NHSL1: variants seen among roughly 807,000 people sequenced by gnomAD.
NHSL1 encodes the protein NHS like 1.
A neutral mutation model predicts 95.0 loss-of-function variants in NHSL1; 48 were observed. That is an observed-to-expected ratio of 0.51 (90% CI 0.40 to 0.64). NHSL1 has a LOEUF of 0.64. Among genes scored for constraint, NHSL1 ranks in the 30% least tolerant of loss-of-function variants. The pLI is 0.00. For missense variants in NHSL1, 1,971 were observed against 2,077.7 expected (o/e 0.95, Z 1.00); for synonymous variants, 783 against 833.9 (o/e 0.94, Z 1.05).
intron 3 of NHSL1, among the ~76,000 whole-genome samples, chr6:138,465,088 T>G (rs922200642): frequency 2.0e-5 from 3 of 150,710 alleles, no homozygotes; most frequent in African/African-American, 7.3e-5. Context: ...ATAAACTGCT[T>G]GTTCAAAAAG....
intron 1 of NHSL1, among the ~76,000 whole-genome samples, chr6:138,617,904 C>T (rs1476888577): frequency 6.6e-6 from 1 of 152,236 alleles, no homozygotes; most frequent in African/African-American, 2.4e-5. Context: ...TTGATTCTCA[C>T]ATCTGCAGCC....
At chr6:138,500,191 G>C (rs1309749168), upstream of NHSL1, among the ~76,000 whole-genome samples, 1 of 151,968 alleles carries the variant, frequency 6.6e-6, no homozygotes, top group Non-Finnish European at 1.5e-5. Context: ...TGTCACTTAG[G>C]CTCCTGGTTT....
At chr6:138,614,058 G>A (rs774088626) in intron 1 of NHSL1, among the ~76,000 whole-genome samples, 9 of 152,146 alleles carry the variant, frequency 5.9e-5, no homozygotes, top group Admixed American at 2.0e-4. Context: ...ACCAATAACA[G>A]CCTTGATGTT....
chr6:138,679,101 C>A (rs1275043541), intron 1 of NHSL1, among the ~76,000 whole-genome samples: 1 of 152,152 alleles, frequency 6.6e-6, no homozygotes, highest in Non-Finnish European at 1.5e-5. Context: ...TTCCACAAGA[C>A]AAGAACCAAA....
intron 1 of NHSL1, among the ~76,000 whole-genome samples, chr6:138,522,729 T>C (rs1405114631): frequency 6.6e-6 from 1 of 152,150 alleles, no homozygotes; most frequent in African/African-American, 2.4e-5. Context: ...GAAGATCACT[T>C]GGGCCCAGGC....
intron 1 of NHSL1, among the ~76,000 whole-genome samples, chr6:138,538,583 G>A (rs1045491843): frequency 2.0e-5 from 3 of 151,992 alleles, no homozygotes; most frequent in Admixed American, 6.6e-5. Flanking sequence ...CAATGTTCGC[G>A]CCCTCGAGAG....
At chr6:138,502,611 CA>C (rs967795731), upstream of NHSL1, among the ~76,000 whole-genome samples, 5 of 151,640 alleles carry the variant, frequency 3.3e-5, no homozygotes, top group African/African-American at 9.7e-5. Flanking sequence ...TTGCACAGGG[CA>C]AAAAAAGAAA....
chr6:138,501,399 C>T (rs1003853865), upstream of NHSL1, among the ~76,000 whole-genome samples: 4 of 152,084 alleles, frequency 2.6e-5, no homozygotes, highest in Admixed American at 2.6e-4. Flanking sequence ...TTGAGTGCAA[C>T]AGACAAAATA....
intron 3 of NHSL1, among the ~76,000 whole-genome samples, chr6:138,467,353 C>T (rs1287560139): frequency 6.6e-6 from 1 of 152,054 alleles, no homozygotes; most frequent in Non-Finnish European, 1.5e-5. Flanking sequence ...GGGGTTTTGC[C>T]GTGTTAGCCA....
In NHSL1 at chr6:138,606,411, T is replaced by C. The variant is rs746440510; in HGVS notation, c.96+86065A>G. Among the ~76,000 whole-genome samples, 6 of 152,384 alleles carry C rather than the reference T, an allele frequency of 3.9e-5. No individual in the cohort carries two copies. The East Asian group carries it at 5.8e-4, about 15-fold the overall frequency. On this transcript the variant is annotated intron_variant, in intron 1 of 3. Coordinates refer to the NHSL1 transcript ENST00000491526. ...GATGGACTTTTAAAATGTCTATTGA[T>C]TTAGTAAGCTTACAGAATCAGCAGC...
At chr6:138,688,622 G>A (rs913762869) in intron 1 of NHSL1, among the ~76,000 whole-genome samples, 1 of 152,068 alleles carries the variant, frequency 6.6e-6, no homozygotes, top group African/African-American at 2.4e-5. Context: ...CATCCTGGGC[G>A]ACAGAGTAAG....
At chr6:138,631,218 T>C (rs554307940) in intron 1 of NHSL1, among the ~76,000 whole-genome samples, 1 of 152,224 alleles carries the variant, frequency 6.6e-6, no homozygotes, top group African/African-American at 2.4e-5. Context: ...AGATCTTGAG[T>C]TACTGCAAGC....
chr6:138,437,403 T>TAC (rs1776231216), intron 5 of NHSL1, among the ~76,000 whole-genome samples: 2 of 56,466 alleles, frequency 3.5e-5, no homozygotes, highest in African/African-American at 8.4e-5. Context: ...TATATATATA[T>TAC]ACACACATAT....
intron 1 of NHSL1, among the ~76,000 whole-genome samples, chr6:138,519,808 G>A (rs1781600525): frequency 6.6e-6 from 1 of 152,148 alleles, no homozygotes. Context: ...TTCAGATAGA[G>A]TTGATTGGCA....
At chr6:138,439,423 T>C (rs1457707143) in intron 5 of NHSL1, among the ~76,000 whole-genome samples, 6 of 152,212 alleles carry the variant, frequency 3.9e-5, no homozygotes, top group African/African-American at 1.2e-4. Context: ...TTGATAATCA[T>C]TACCTAGATA....
At chr6:138,668,431 G>A (rs1266376360) in intron 1 of NHSL1, among the ~76,000 whole-genome samples, 4 of 151,820 alleles carry the variant, frequency 2.6e-5, no homozygotes, top group South Asian at 2.1e-4. Context: ...CAACAAGAGC[G>A]AAACTCCATC....
chr6:138,670,527 G>A lies in NHSL1; in HGVS notation c.96+21949C>T, dbSNP rs576868771. Among the ~76,000 whole-genome samples the A allele has an allele frequency of 7.4e-5, 11 of 149,626 alleles. No homozygotes were observed. In the East Asian group the frequency reaches 9.9e-4, roughly 13 times the overall value. ...TAAAAATACAAAAAATTAGCCGGGC[G>A]TAGTGGCGGGCGCCTGTAGTCCCAG... On this transcript the variant is annotated intron_variant, in intron 1 of 3. Transcript: ENST00000491526.
At chr6:138,522,699 T>C (rs1446425514) in intron 1 of NHSL1, among the ~76,000 whole-genome samples, 1 of 152,156 alleles carries the variant, frequency 6.6e-6, no homozygotes, top group Non-Finnish European at 1.5e-5. Flanking sequence ...TGGTTTCAGC[T>C]ACTCAGAAGG....
chr6:138,444,536 C>T (rs114719651), intron 4 of NHSL1, among the ~76,000 whole-genome samples: 16 of 151,888 alleles, frequency 1.1e-4, no homozygotes, highest in East Asian at 3.9e-4. Context: ...TAACATTCTA[C>T]CTCTATGCAT....
Sources: allele counts gnomAD v4.1 joint callset (sites outside exome capture counted in the v4.1 genomes callset), GRCh38; gene constraint gnomAD v4.1.1; transcripts MANE v1.5; gene names NCBI Gene and HGNC (gene_info 2026-07-23, HGNC 2026-07-21).